The following HIP1 variants were observed in gnomAD, a reference collection of about 807,000 sequenced individuals.
The protein encoded by HIP1 is huntingtin-interacting protein 1.
In HIP1, 65 loss-of-function variants were observed where a neutral mutation model predicts 147.6. That is an observed-to-expected ratio of 0.44 (90% CI 0.36 to 0.54). The LOEUF (loss-of-function observed/expected upper bound fraction) is 0.54, where lower values mean the gene tolerates loss of function less well. Among genes scored for constraint, HIP1 ranks in the 20% least tolerant of loss-of-function variants. HIP1 has a pLI of 0.00. For synonymous variants in HIP1, 479 were observed against 504.0 expected, an observed-to-expected ratio of 0.95 and a Z score of 0.67; for missense variants, 1,061 against 1,299.6, an observed-to-expected ratio of 0.82 and a Z score of 2.82.
At chr7:75,728,407 G>C (rs1584984264) in intron 1 of HIP1, among the ~76,000 whole-genome samples, 1 of 152,206 alleles carries the variant, frequency 6.6e-6, no homozygotes, top group African/African-American at 2.4e-5. Flanking sequence ...GGGCTGACAA[G>C]TTCTCTTTCC....
chr7:75,718,536 A>C (rs2117371851), intron 1 of HIP1, among the ~76,000 whole-genome samples: 1 of 152,310 alleles, frequency 6.6e-6, no homozygotes, highest in Non-Finnish European at 1.5e-5. Flanking sequence ...CGCAAAACAA[A>C]CAAATCAAGA....
intron 1 of HIP1, among the ~76,000 whole-genome samples, chr7:75,704,294 G>A (rs1554519454): frequency 6.6e-6 from 1 of 152,062 alleles, no homozygotes; most frequent in African/African-American, 2.4e-5. Flanking sequence ...TGCCCAGGCT[G>A]GAGTGCAATG....
At chr7:75,605,447 G>A (rs1454626083) in intron 1 of HIP1, among the ~76,000 whole-genome samples, 1 of 152,196 alleles carries the variant, frequency 6.6e-6, no homozygotes, top group East Asian at 1.9e-4. Flanking sequence ...ATGACAGCAG[G>A]TGGAGGGGAA....
chr7:75,699,486 A>G (rs1800747373), intron 1 of HIP1, among the ~76,000 whole-genome samples: 2 of 152,180 alleles, frequency 1.3e-5, no homozygotes, highest in South Asian at 4.1e-4. Flanking sequence ...AGATCAGGAT[A>G]GAAAACGGGG....
At chr7:75,711,906 T>G (rs1467416606) in intron 1 of HIP1, among the ~76,000 whole-genome samples, 1 of 152,214 alleles carries the variant, frequency 6.6e-6, no homozygotes, top group African/African-American at 2.4e-5. Flanking sequence ...GTAGCTCTCA[T>G]AATGCCTCCC....
chr7:75,580,426 T>G (rs1554498382), intron 7 of HIP1, among the ~76,000 whole-genome samples: 1 of 151,588 alleles, frequency 6.6e-6, no homozygotes, highest in Non-Finnish European at 1.5e-5. Context: ...TGCTCAGACG[T>G]GAAACCACCC....
intron 1 of HIP1, among the ~76,000 whole-genome samples, chr7:75,692,587 ATT>A (rs71082340): frequency 7.0e-6 from 1 of 143,036 alleles, no homozygotes. Flanking sequence ...CGCCTGGCCA[ATT>A]TTTTTTTTTT....
chr7:75,592,411 G>A lies in HIP1; in HGVS notation c.288C>T (p.Cys96=). The part of the protein sequence containing the change: ...SSNAVLCWKF[C]HVFHKLLRDG... ...CTCGGAGGAGTTTGTGGAACACATG[G>A]CAGAACTTCCAGCAGAGCACTGCGT... Residue 96 remains cysteine, a synonymous_variant, in exon 3 of 31, where the codon TGC becomes TGT. Coordinates refer to ENST00000336926, the MANE Select transcript of HIP1 (RefSeq NM_005338.7). 8 of 1,612,460 alleles carry A rather than the reference G, an allele frequency of 5.0e-6. No homozygotes were observed. The highest frequency in any genetic ancestry group is 6.8e-6 in the Non-Finnish European group (8 of 1,179,612).
intron 1 of HIP1, among the ~76,000 whole-genome samples, chr7:75,714,455 CTTTTTTTTTTTT>C (rs71082343): frequency 7.3e-6 from 1 of 137,796 alleles, no homozygotes; most frequent in Non-Finnish European, 1.6e-5. Context: ...ATCTTTTTTT[CTTTTTTTTTTTT>C]TTTGAGACAG....
At chr7:75,591,379 C>T (rs1326884759) in intron 4 of HIP1, among the ~76,000 whole-genome samples, 5 of 151,954 alleles carry the variant, frequency 3.3e-5, no homozygotes, top group Non-Finnish European at 2.9e-5. Context: ...ATATACACAC[C>T]CACGGACATC....
intron 1 of HIP1, among the ~76,000 whole-genome samples, chr7:75,676,902 C>A (rs757423798): frequency 6.6e-6 from 1 of 151,814 alleles, no homozygotes; most frequent in Non-Finnish European, 1.5e-5. Context: ...TGTTAAAATA[C>A]GCAACAAATG....
intron 22 of HIP1, among the ~76,000 whole-genome samples, chr7:75,552,735 G>A (rs1185044727): frequency 1.3e-5 from 2 of 152,100 alleles, no homozygotes; most frequent in African/African-American, 4.8e-5. Context: ...AAAATCCTCA[G>A]AGACAGGGGA....
intron 5 of HIP1, among the ~76,000 whole-genome samples, chr7:75,582,390 A>G (rs1264713329): frequency 6.6e-6 from 1 of 152,146 alleles, no homozygotes; most frequent in Non-Finnish European, 1.5e-5. Context: ...GGTATCATCA[A>G]TCATTGCTGA....
At chr7:75,668,989 G>A (rs934169723) in intron 1 of HIP1, among the ~76,000 whole-genome samples, 2 of 151,896 alleles carry the variant, frequency 1.3e-5, no homozygotes, top group African/African-American at 2.4e-5. Flanking sequence ...AGGCCGAGGC[G>A]GGCAGATCAC....
chr7:75,557,705 T>G lies in HIP1; in HGVS notation c.1530A>C (p.Lys510Asn). The change falls in exon 16 of 31, where the codon AAA (lysine) becomes AAC (asparagine). Residue 510 changes from lysine (K) to asparagine (N), a missense_variant. Transcript: ENST00000336926. ...GCTCCAACGAATCCTCCAGCTCTTT[T>G]TTCTCTCGTTCCAAATCTACCTGGG... ...RQAQVDLERE[K>N]KELEDSLERI... The G allele has an allele frequency of 6.2e-7, 1 of 1,614,174 alleles. No individual in the cohort carries two copies.
At chr7:75,660,661 G>A (rs1799282650) in intron 1 of HIP1, among the ~76,000 whole-genome samples, 2 of 152,124 alleles carry the variant, frequency 1.3e-5, no homozygotes, top group African/African-American at 4.8e-5. Flanking sequence ...CTATCAAGAC[G>A]AATAATGTTT....
At chr7:75,578,235 G>A (rs587629629) in intron 7 of HIP1, among the ~76,000 whole-genome samples, 1 of 152,292 alleles carries the variant, frequency 6.6e-6, no homozygotes, top group East Asian at 1.9e-4. Flanking sequence ...GCAGCGGGAG[G>A]CAGGCAGGCA....
intron 1 of HIP1, among the ~76,000 whole-genome samples, chr7:75,667,718 T>G (rs1799605570): frequency 6.6e-6 from 1 of 152,216 alleles, no homozygotes; most frequent in African/African-American, 2.4e-5. Context: ...CTCAAACTCC[T>G]GGCCTCAAGG....
chr7:75,557,474 T>C (rs1795058754), intron 16 of HIP1, among the ~76,000 whole-genome samples, 180 bp downstream of exon 16: 1 of 152,192 alleles, frequency 6.6e-6, no homozygotes, highest in South Asian at 2.1e-4. Context: ...GTCCTTCCAT[T>C]ACTTCGTGTA....
Sources: allele counts gnomAD v4.1 joint callset (sites outside exome capture counted in the v4.1 genomes callset), GRCh38; gene constraint gnomAD v4.1.1; transcripts MANE v1.5; gene names NCBI Gene and HGNC (gene_info 2026-07-23, HGNC 2026-07-21).